Variants in GPR55 observed in about 807,000 individuals in gnomAD.
GPR55 encodes the protein G protein-coupled receptor 55, also known as G-protein coupled receptor 55.
Under a neutral mutation model 7.9 loss-of-function variants are expected in GPR55, and 6 were observed. The observed-to-expected ratio is 0.76, with a 90% confidence interval of 0.41 to 1.49. GPR55 has a LOEUF of 1.49. GPR55 is among the 40% of genes most tolerant of loss of function. The probability of loss-of-function intolerance (pLI) is 0.01; values close to 1 mark genes in which losing one functional copy is unlikely to be tolerated. For synonymous variants in GPR55, 183 were observed against 166.8 expected (o/e 1.10, Z -0.75); for missense variants, 376 against 406.0 (o/e 0.93, Z 0.63).
chr2:230,937,537 A>G (rs1691150472), intron 1 of GPR55, among the ~76,000 whole-genome samples: 1 of 151,566 alleles, frequency 6.6e-6, no homozygotes, highest in Non-Finnish European at 1.5e-5. Flanking sequence ...TGACTGGTGC[A>G]AGTTGCACCC....
chr2:230,945,373 T>G (rs1052164527), intron 1 of GPR55, among the ~76,000 whole-genome samples: 1 of 102,556 alleles, frequency 9.8e-6, no homozygotes, highest in Non-Finnish European at 1.7e-5. Context: ...GAGAATGCAC[T>G]CCCAATGACC....
chr2:230,920,261 T>C (rs933951939), intron 1 of GPR55, among the ~76,000 whole-genome samples: 5 of 152,142 alleles, frequency 3.3e-5, no homozygotes, highest in Admixed American at 3.3e-4. Flanking sequence ...TCTGGGTTTG[T>C]GTTTGAGGCA....
chr2:230,940,121 G>C (rs923271194), intron 1 of GPR55, among the ~76,000 whole-genome samples: 3 of 152,042 alleles, frequency 2.0e-5, no homozygotes, highest in Non-Finnish European at 4.4e-5. Flanking sequence ...CAAATGGCTT[G>C]GGGCAGCTAC....
At chr2:230,958,046 C>T (rs1691518481) in intron 1 of GPR55, 1 of 262,250 alleles carries the variant, frequency 3.8e-6, no homozygotes, top group African/African-American at 2.3e-5. Flanking sequence ...AATAAGCTCT[C>T]AATCAAGTAA....
intron 1 of GPR55, among the ~76,000 whole-genome samples, chr2:230,948,734 T>G (rs1488080904): frequency 6.6e-6 from 1 of 152,238 alleles, no homozygotes; most frequent in Non-Finnish European, 1.5e-5. Flanking sequence ...TCCCCAATTA[T>G]AGGTCATTTA....
chr2:230,922,979 CAGGCGTG>C (rs1209633346), intron 1 of GPR55, among the ~76,000 whole-genome samples: 1 of 152,240 alleles, frequency 6.6e-6, no homozygotes, highest in Non-Finnish European at 1.5e-5. Context: ...GCTGGGATTA[CAGGCGTG>C]AGCCCGAGCA....
At chr2:230,943,099 G>A (rs975414252) in intron 1 of GPR55, among the ~76,000 whole-genome samples, 7 of 151,358 alleles carry the variant, frequency 4.6e-5, no homozygotes, top group African/African-American at 1.7e-4. Context: ...GAGAGAGAGA[G>A]GAGAGAAAGA....
At position 230,948,115 on chromosome 2, in the gene GPR55, G is replaced by A. The variant is rs536385551; in HGVS notation, c.-135+12660C>T. ...TGCCACCGCCGCCCACCCCCTGGCC[G>A]CCCCCACAGCTTCCTCCCTTGGTGA... On this transcript the variant is annotated intron_variant, in intron 1 of 1. Transcript: ENST00000392039. 9.7e-5 allele frequency among the ~76,000 whole-genome samples: 14 copies of A among 144,808 alleles called. 1 individual carries two copies. The South Asian group carries it at 1.9e-3, about 20-fold the overall frequency. 95.0% of individuals were successfully genotyped at this position (144,808 alleles called of 152,430 possible).
upstream of GPR55, among the ~76,000 whole-genome samples, chr2:230,925,743 C>G (rs376876730): frequency 4.6e-5 from 7 of 152,156 alleles, no homozygotes; most frequent in African/African-American, 1.7e-4. Flanking sequence ...TGCCTAGCGT[C>G]GGAGGAGACC....
chr2:230,959,991 G>A (rs780131604), intron 1 of GPR55, among the ~76,000 whole-genome samples: 15 of 152,172 alleles, frequency 9.9e-5, no homozygotes, highest in African/African-American at 1.4e-4. Context: ...GGGGTTGCCC[G>A]TCCCTATCAG....
At chr2:230,917,997 G>A (rs1476991763) in intron 1 of GPR55, among the ~76,000 whole-genome samples, 1 of 151,820 alleles carries the variant, frequency 6.6e-6, no homozygotes, top group African/African-American at 2.4e-5. Flanking sequence ...TGCCCTAACT[G>A]CTTTAATTTT....
chr2:230,925,836 C>A (rs1195440568), upstream of GPR55, among the ~76,000 whole-genome samples: 1 of 152,166 alleles, frequency 6.6e-6, no homozygotes, highest in African/African-American at 2.4e-5. Context: ...CCCAGGCCTG[C>A]ACAGAGATTT....
At chr2:230,949,308 C>T (rs1412232163) in intron 1 of GPR55, among the ~76,000 whole-genome samples, 1 of 152,168 alleles carries the variant, frequency 6.6e-6, no homozygotes, top group East Asian at 1.9e-4. Flanking sequence ...GGATTACAGG[C>T]ACCTGCCACC....
At chr2:230,912,907 C>G (rs1690626415) in intron 1 of GPR55, among the ~76,000 whole-genome samples, 1 of 152,210 alleles carries the variant, frequency 6.6e-6, no homozygotes, top group African/African-American at 2.4e-5. Flanking sequence ...TTTTCAAAGG[C>G]AGCATGGCTT....
At chr2:230,937,597 G>C (rs1419048472) in intron 1 of GPR55, among the ~76,000 whole-genome samples, 1 of 151,630 alleles carries the variant, frequency 6.6e-6, no homozygotes, top group African/African-American at 2.4e-5. Flanking sequence ...CTGGAGTGCT[G>C]ATTCTTCTTT....
chr2:230,909,197 G>A lies in GPR55; in HGVS notation c.*806C>T, dbSNP rs566976379. The A allele has an allele frequency of 2.1e-3, 315 of 152,592 alleles. No individual in the cohort carries two copies. The highest frequency in any genetic ancestry group is 3.8e-3 in the Non-Finnish European group (260 of 68,224). 9.5% of individuals were successfully genotyped at this position (152,592 alleles called of 1,614,324 possible). ...CCCTGGGCCAGCACCAACACTCCGT[G>A]CTGTGGACACCCTGATGGTGATAGG... On this transcript the variant is annotated 3_prime_UTR_variant, in exon 2 of 2. Coordinates refer to ENST00000650999, the MANE Select transcript of GPR55 (RefSeq NM_005683.4).
chr2:230,952,048 G>A (rs904118157), intron 1 of GPR55, among the ~76,000 whole-genome samples: 1 of 152,018 alleles, frequency 6.6e-6, no homozygotes, highest in Non-Finnish European at 1.5e-5. Flanking sequence ...TTACAGGTGT[G>A]AGCCACCACA....
chr2:230,935,560 G>C (rs574407463), intron 1 of GPR55, among the ~76,000 whole-genome samples: 1 of 152,162 alleles, frequency 6.6e-6, no homozygotes, highest in Non-Finnish European at 1.5e-5. Flanking sequence ...CACCCATCCA[G>C]ATGTCAACAC....
intron 1 of GPR55, among the ~76,000 whole-genome samples, chr2:230,951,234 G>C (rs1026282233): frequency 1.3e-5 from 2 of 152,120 alleles, no homozygotes; most frequent in Non-Finnish European, 2.9e-5. Flanking sequence ...ACTATCTCCA[G>C]GTAGACAGTG....
Sources: allele counts gnomAD v4.1 joint callset (sites outside exome capture counted in the v4.1 genomes callset), GRCh38; gene constraint gnomAD v4.1.1; transcripts MANE v1.5; gene names NCBI Gene and HGNC (gene_info 2026-07-23, HGNC 2026-07-21).